CRACDL: variants seen among roughly 807,000 people sequenced by gnomAD.
The protein encoded by CRACDL is CRACD like.
A neutral mutation model predicts 70.6 loss-of-function variants in CRACDL; 26 were observed. That is an observed-to-expected ratio of 0.37 (90% CI 0.27 to 0.51). The LOEUF (loss-of-function observed/expected upper bound fraction) is 0.51. Ranked by LOEUF, CRACDL falls within the 20% of genes least tolerant of loss-of-function variation. CRACDL has a pLI of 0.94. For synonymous variants in CRACDL, 618 were observed against 615.2 expected, an observed-to-expected ratio of 1.00 and a Z score of -0.07; for missense variants, 1,283 against 1,376.9, an observed-to-expected ratio of 0.93 and a Z score of 1.08.
intron 3 of CRACDL, among the ~76,000 whole-genome samples, chr2:98,836,362 T>C (rs955347747): frequency 2.0e-5 from 3 of 152,206 alleles, no homozygotes; most frequent in Non-Finnish European, 4.4e-5. Context: ...TGCTGCTCTC[T>C]AAAAATGTCA....
chr2:98,822,397 T>G lies in CRACDL; in HGVS notation c.1876A>C (p.Lys626Gln), dbSNP rs991208640. The change falls in exon 7 of 10, where the codon AAA (lysine) becomes CAA (glutamine). Residue 626 changes from lysine to glutamine, a missense_variant. Lys to Gln is a moderately conservative substitution (Grantham distance 53). Coordinates refer to ENST00000397899, the MANE Select transcript of CRACDL (RefSeq NM_207362.3). The surrounding 1 kb of genome is among the most constrained non-coding windows in gnomAD (Gnocchi z 4.9). ...TCCGCCAGCTTCCGAGGGCCAGGTT[T>G]CGCGTGCTGGGGCTCGGGGAGACCC... ...LQGLPEPQHA[K>Q]PGPRKLAERG... is the part of the protein sequence containing the mutation. 1.7e-5 allele frequency: 25 copies of G among 1,481,374 alleles called. No homozygotes were observed. In the Admixed American group the frequency reaches 5.7e-4, roughly 34 times the overall value. 91.8% of individuals were successfully genotyped at this position (1,481,374 alleles called of 1,614,324 possible). A position where few individuals can be genotyped will look rare whatever the true frequency, so the allele number is the denominator to read the frequency against.
chr2:98,908,388 T>C (rs1305764494), intron 1 of CRACDL: 2 of 152,294 alleles, frequency 1.3e-5, no homozygotes, highest in African/African-American at 2.4e-5. Flanking sequence ...GCAAAAGTTA[T>C]TTACCTGGCA....
At chr2:98,873,223 G>A (rs1417673598) in intron 1 of CRACDL, among the ~76,000 whole-genome samples, 2 of 152,210 alleles carry the variant, frequency 1.3e-5, no homozygotes, top group Non-Finnish European at 2.9e-5. Flanking sequence ...AAGATCTCAT[G>A]TCTATGAGGG....
chr2:98,825,453 A>T (rs1400631255), intron 6 of CRACDL, among the ~76,000 whole-genome samples: 1 of 152,248 alleles, frequency 6.6e-6, no homozygotes, highest in African/African-American at 2.4e-5. Flanking sequence ...CCCAGATGGG[A>T]GCAAGAAGGG....
At chr2:98,861,098 G>T (rs547586525) in intron 1 of CRACDL, among the ~76,000 whole-genome samples, 4 of 152,324 alleles carry the variant, frequency 2.6e-5, no homozygotes, top group African/African-American at 7.2e-5. Flanking sequence ...TGTAATCCCA[G>T]CACTTTGGGA....
chr2:98,857,740 A>G (rs892202441), intron 1 of CRACDL, among the ~76,000 whole-genome samples: 1 of 152,222 alleles, frequency 6.6e-6, no homozygotes, highest in African/African-American at 2.4e-5. Context: ...TTAAATAATC[A>G]ATACCAGATA....
rs372620989 is a variant in CRACDL at position 98,823,420 on chromosome 2, C to A, written c.853G>T (p.Val285Leu). 4.5e-6 allele frequency: 7 copies of A among 1,572,372 alleles called. No individual in the cohort carries two copies. The East Asian group carries it at 1.4e-4, about 31-fold the overall frequency. Residue 285 changes from valine (V) to leucine (L), a missense_variant, in exon 7 of 10, where the codon GTG (valine) becomes TTG (leucine). Around this residue, in one of 2 missense-constraint regions of CRACDL, gnomAD observed 362 missense variants for 495.0 expected, o/e 0.73. Coordinates refer to ENST00000397899, the MANE Select transcript of CRACDL (RefSeq NM_207362.3). This position sits in a 1 kb window ranked among gnomAD's most constrained non-coding sequence, Gnocchi z 4.0. ...GGCTCAGGGCCTCTGTCTGGCGCCA[C>A]GTCCTGCTGCCCAGAGCTGGGGCGC... The part of the protein sequence containing the change: ...EERPSSGQQD[V>L]APDRGPEPGP...
chr2:98,922,555 C>T (rs915174412), intron 1 of CRACDL, among the ~76,000 whole-genome samples: 3 of 152,230 alleles, frequency 2.0e-5, no homozygotes, highest in African/African-American at 7.2e-5. Context: ...AGTGGGCCAG[C>T]TGGCCTGGAC....
chr2:98,898,693 G>T (rs1708191413), intron 1 of CRACDL, among the ~76,000 whole-genome samples: 1 of 152,200 alleles, frequency 6.6e-6, no homozygotes, highest in Non-Finnish European at 1.5e-5. Flanking sequence ...ACAACATGGA[G>T]AAAAACTGAG....
intron 1 of CRACDL, among the ~76,000 whole-genome samples, chr2:98,878,271 T>C (rs1707541520): frequency 6.6e-6 from 1 of 152,186 alleles, no homozygotes; most frequent in Non-Finnish European, 1.5e-5. Flanking sequence ...TATACCATCT[T>C]TTTACTGTCC....
At chr2:98,922,438 C>CAAAAA (rs565954351) in intron 1 of CRACDL, among the ~76,000 whole-genome samples, 5 of 63,446 alleles carry the variant, frequency 7.9e-5, no homozygotes, top group Middle Eastern at 0.016. Context: ...GACTCCGTCT[C>CAAAAA]AAAAAAAAAA....
chr2:98,880,318 T>C (rs1707609663), intron 1 of CRACDL, among the ~76,000 whole-genome samples: 1 of 152,218 alleles, frequency 6.6e-6, no homozygotes, highest in Non-Finnish European at 1.5e-5. Flanking sequence ...AACTTTACTG[T>C]TCCAGGAAGC....
chr2:98,832,261 T>C (rs1415942365), intron 5 of CRACDL, 87 bp downstream of exon 5: 9 of 1,431,080 alleles, frequency 6.3e-6, no homozygotes, highest in East Asian at 2.3e-5. Flanking sequence ...CTGGAGATCT[T>C]AGGGGCACAC....
intron 1 of CRACDL, among the ~76,000 whole-genome samples, chr2:98,881,899 C>CTAA (rs1707662392): frequency 6.6e-6 from 1 of 152,164 alleles, no homozygotes; most frequent in South Asian, 2.1e-4. Context: ...GACCCAGCCT[C>CTAA]TAATTGTTTA....
chr2:98,827,267 C>T (rs1351251846), intron 5 of CRACDL, 98 bp from the exon 6 acceptor site: 2 of 802,294 alleles, frequency 2.5e-6, no homozygotes, highest in Non-Finnish European at 4.2e-6. Context: ...AGGCTGTCTT[C>T]CCACACTGTC....
chr2:98,901,190 T>C (rs1324629777), intron 1 of CRACDL, among the ~76,000 whole-genome samples: 2 of 152,128 alleles, frequency 1.3e-5, no homozygotes, highest in Admixed American at 6.5e-5. Flanking sequence ...GCAGGGTTGT[T>C]GAGAGTTAAA....
chr2:98,872,919 C>T (rs1433844261), intron 1 of CRACDL, among the ~76,000 whole-genome samples: 1 of 152,202 alleles, frequency 6.6e-6, no homozygotes, highest in Non-Finnish European at 1.5e-5. Flanking sequence ...CTGTCTCGTG[C>T]TTTTTCACGC....
chr2:98,909,797 C>A (rs988042627), intron 1 of CRACDL, among the ~76,000 whole-genome samples: 7 of 152,178 alleles, frequency 4.6e-5, no homozygotes, highest in Non-Finnish European at 8.8e-5. Flanking sequence ...GTTCCTCTGC[C>A]ACCTGTAAAC....
At chr2:98,900,027 A>G (rs1388120165) in intron 1 of CRACDL, among the ~76,000 whole-genome samples, 1 of 132,400 alleles carries the variant, frequency 7.6e-6, no homozygotes. Flanking sequence ...ACAGAGGCTC[A>G]GCAGGAGGGG....
Sources: gnomAD v4.1 joint callset for allele counts (sites outside exome capture counted in the v4.1 genomes callset) on GRCh38, gnomAD v4.1.1 for gene constraint, gnomAD v4.1.1 regional missense constraint, Gnocchi (gnomAD v3.1) non-coding constraint, MANE v1.5 for transcripts, NCBI Gene and HGNC (gene_info 2026-07-23, HGNC 2026-07-21) for gene names.